Variants in ARHGAP15 observed in about 807,000 individuals in gnomAD.
The protein encoded by ARHGAP15 is Rho GTPase activating protein 15, also known as rho GTPase-activating protein 15.
In ARHGAP15, 51 loss-of-function variants were observed where a neutral mutation model predicts 63.7. The ratio of observed to expected loss-of-function variants is 0.80; its 90% CI spans 0.64 to 1.01. The LOEUF is 1.01. Ranked by LOEUF, ARHGAP15 falls within the 50% of genes least tolerant of loss-of-function variation. ARHGAP15 has a pLI of 0.00. For synonymous variants in ARHGAP15, 191 were observed against 193.8 expected, an observed-to-expected ratio of 0.99 and a Z score of 0.12; for missense variants, 560 against 564.6, an observed-to-expected ratio of 0.99 and a Z score of 0.08.
intron 6 of ARHGAP15, among the ~76,000 whole-genome samples, chr2:143,262,019 C>T (rs1220633760): frequency 6.6e-6 from 1 of 151,960 alleles, no homozygotes. Context: ...CATGGGTGGG[C>T]GTGTCAAGAA....
intron 6 of ARHGAP15, among the ~76,000 whole-genome samples, chr2:143,342,146 A>G (rs1685085223): frequency 6.6e-6 from 1 of 152,146 alleles, no homozygotes; most frequent in South Asian, 2.1e-4. Flanking sequence ...ACATAACGAC[A>G]TGATAGAAAA....
chr2:143,698,948 G>A (rs1683966782), intron 12 of ARHGAP15, among the ~76,000 whole-genome samples: 1 of 152,090 alleles, frequency 6.6e-6, no homozygotes, highest in African/African-American at 2.4e-5. Context: ...TTCATAATGA[G>A]AAAAACATAT....
chr2:143,712,965 C>T (rs187528653), intron 13 of ARHGAP15, among the ~76,000 whole-genome samples: 13 of 152,288 alleles, frequency 8.5e-5, no homozygotes, highest in African/African-American at 3.1e-4. Flanking sequence ...TTGATTCCTG[C>T]TATATCCCCT....
At chr2:143,199,035 A>C (rs1411201216) in intron 2 of ARHGAP15, among the ~76,000 whole-genome samples, 1 of 152,184 alleles carries the variant, frequency 6.6e-6, no homozygotes, top group East Asian at 1.9e-4. Context: ...AATGAGTAGT[A>C]ATTAAGAGTA....
chr2:143,496,169 T>C (rs556534386), intron 9 of ARHGAP15, among the ~76,000 whole-genome samples: 2 of 152,226 alleles, frequency 1.3e-5, no homozygotes, highest in South Asian at 2.1e-4. Context: ...ATTTAAAGGC[T>C]CTTGGGAGCA....
intron 12 of ARHGAP15, among the ~76,000 whole-genome samples, chr2:143,638,657 AAAATAAAT>A (rs199864879): frequency 6.0e-5 from 8 of 134,326 alleles, no homozygotes; most frequent in East Asian, 4.5e-4. Flanking sequence ...ATAATAATAA[AAAATAAAT>A]AAATAAAAGA....
intron 5 of ARHGAP15, chr2:143,247,446 T>A (rs1694086433): frequency 6.6e-6 from 1 of 152,322 alleles, no homozygotes; most frequent in Admixed American, 6.5e-5. Context: ...TTGCTGGCTC[T>A]GGGTCTCGTC....
At chr2:143,731,737 T>A (rs989777727) in intron 13 of ARHGAP15, among the ~76,000 whole-genome samples, 1 of 152,242 alleles carries the variant, frequency 6.6e-6, no homozygotes, top group African/African-American at 2.4e-5. Context: ...CTATGCTTAT[T>A]ATTTTTTGAT....
At chr2:143,635,565 G>T (rs559550888) in intron 12 of ARHGAP15, among the ~76,000 whole-genome samples, 1 of 152,070 alleles carries the variant, frequency 6.6e-6, no homozygotes, top group South Asian at 2.1e-4. Flanking sequence ...CATTCCTACT[G>T]CTCTGCAGAG....
intron 13 of ARHGAP15, among the ~76,000 whole-genome samples, chr2:143,735,715 C>T (rs904734138): frequency 5.3e-5 from 8 of 151,942 alleles, no homozygotes; most frequent in African/African-American, 1.7e-4. Context: ...GCAGTTTTCC[C>T]CAAAGATGGT....
chr2:143,510,244 T>C (rs1693521148), intron 9 of ARHGAP15, among the ~76,000 whole-genome samples: 1 of 152,146 alleles, frequency 6.6e-6, no homozygotes, highest in Admixed American at 6.5e-5. Flanking sequence ...TAGGAAATAA[T>C]CTGCCCATAT....
intron 6 of ARHGAP15, among the ~76,000 whole-genome samples, chr2:143,429,306 T>C (rs750495196): frequency 4.6e-5 from 7 of 151,500 alleles, no homozygotes; most frequent in Non-Finnish European, 8.8e-5. Flanking sequence ...GCAAGTAATA[T>C]GGGGTGTGAA....
At chr2:143,518,836 G>A (rs1693935923) in intron 9 of ARHGAP15, 2 of 156,986 alleles carry the variant, frequency 1.3e-5, no homozygotes, top group African/African-American at 4.8e-5. Flanking sequence ...ATACTATTGA[G>A]TTGCAGAATG....
At chr2:143,338,300 T>C (rs1469911149) in intron 6 of ARHGAP15, among the ~76,000 whole-genome samples, 1 of 152,192 alleles carries the variant, frequency 6.6e-6, no homozygotes, top group African/African-American at 2.4e-5. Context: ...GTATATTTCA[T>C]GGTAGCTAAC....
chr2:143,365,150 T>C (rs982340318), intron 6 of ARHGAP15, among the ~76,000 whole-genome samples: 8 of 152,244 alleles, frequency 5.3e-5, no homozygotes, highest in Non-Finnish European at 1.2e-4. Context: ...AAGTTCTCTG[T>C]AGCATGTAAA....
chr2:143,580,808 C>T (rs952844822), intron 11 of ARHGAP15, among the ~76,000 whole-genome samples: 3 of 152,080 alleles, frequency 2.0e-5, no homozygotes, highest in Non-Finnish European at 2.9e-5. Flanking sequence ...GTCTTCCCAA[C>T]CAAAACCATC....
chr2:143,724,093 C>T (rs1685180841), intron 13 of ARHGAP15, among the ~76,000 whole-genome samples: 1 of 150,780 alleles, frequency 6.6e-6, no homozygotes, highest in South Asian at 2.1e-4. Flanking sequence ...GATCTAATGA[C>T]ATAAAGAAAG....
At chr2:143,203,129 T>C (rs977270317) in intron 3 of ARHGAP15, among the ~76,000 whole-genome samples, 1 of 152,140 alleles carries the variant, frequency 6.6e-6, no homozygotes, top group Non-Finnish European at 1.5e-5. Context: ...CCTGTCTATC[T>C]CTAGCTATTT....
intron 6 of ARHGAP15, among the ~76,000 whole-genome samples, chr2:143,308,609 C>T (rs754774729): frequency 6.6e-6 from 1 of 151,796 alleles, no homozygotes; most frequent in South Asian, 2.1e-4. Flanking sequence ...TTGTTTTAAG[C>T]AAGAATATGA....
Sources: allele counts gnomAD v4.1 joint callset (sites outside exome capture counted in the v4.1 genomes callset), GRCh38; gene constraint gnomAD v4.1.1; transcripts MANE v1.5; gene names NCBI Gene and HGNC (gene_info 2026-07-23, HGNC 2026-07-21).